The following IRAK3 variants were observed in gnomAD, a reference collection of about 807,000 sequenced individuals.
The protein encoded by IRAK3 is interleukin 1 receptor associated kinase 3, also known as interleukin-1 receptor-associated kinase 3.
In IRAK3, 57 loss-of-function variants were observed where a neutral mutation model predicts 56.6. The ratio of observed to expected loss-of-function variants is 1.01; its 90% confidence interval spans 0.81 to 1.26. IRAK3 has a LOEUF of 1.26. Among genes scored for constraint, IRAK3 ranks in the 50% most tolerant of loss-of-function variants. The pLI, the probability that IRAK3 is intolerant of heterozygous loss-of-function variation, is 0.00. For missense variants in IRAK3, 703 were observed against 719.0 expected (o/e 0.98, Z 0.25); for synonymous variants, 258 against 255.7 (o/e 1.01, Z -0.09).
At chr12:66,221,913 C>T (rs1156820187) in intron 6 of IRAK3, among the ~76,000 whole-genome samples, 1 of 152,132 alleles carries the variant, frequency 6.6e-6, no homozygotes, top group African/African-American at 2.4e-5. Flanking sequence ...CTTGCAATCC[C>T]AGCTATTCAG....
chr12:66,193,089 C>CCT, intron 1 of IRAK3, among the ~76,000 whole-genome samples: 1 of 152,098 alleles, frequency 6.6e-6, no homozygotes, highest in East Asian at 1.9e-4. Context: ...TTTACCGCAA[C>CCT]CTCCGCCTCC....
chr12:66,193,177 T>G (rs1332608425), intron 1 of IRAK3, among the ~76,000 whole-genome samples: 2 of 151,660 alleles, frequency 1.3e-5, no homozygotes, highest in East Asian at 3.9e-4. Context: ...CCGGCTTAAT[T>G]TTTTTTTGTA....
At chr12:66,189,492 T>C in intron 1 of IRAK3, 60 bp downstream of exon 1, 1 of 1,082,744 alleles carries the variant, frequency 9.2e-7, no homozygotes, top group Non-Finnish European at 1.1e-6. Context: ...CGGGGCCCGC[T>C]CGGCGTCGCC....
At chr12:66,205,532 T>C (rs922703266) in intron 2 of IRAK3, among the ~76,000 whole-genome samples, 1 of 152,232 alleles carries the variant, frequency 6.6e-6, no homozygotes, top group Non-Finnish European at 1.5e-5. Context: ...TGAGATGTGA[T>C]GATTTGTTGG....
Position 66,203,429 on chromosome 12 carries a change from G to T in IRAK3, c.134-282G>T, listed in dbSNP as rs148108768. Among the ~76,000 whole-genome samples, 417 of 152,288 alleles carry T rather than the reference G, an allele frequency of 2.7e-3. 1 individual carries two copies. Among genetic ancestry groups the T allele is most frequent in the Non-Finnish European group, 4.1e-3 (280 of 68,024 alleles). ...CAATTAAATATAATATGGAAAACTGGATAGGATCTTAGAACAGAAAAGAGG... is the reference window on the plus strand; with the variant it reads ...CAATTAAATATAATATGGAAAACTGTATAGGATCTTAGAACAGAAAAGAGG... On this transcript the variant is annotated intron_variant, in intron 1 of 11. Coordinates refer to ENST00000261233, the MANE Select transcript of IRAK3 (RefSeq NM_007199.3).
rs1332418944 is a variant in IRAK3 at position 66,249,428 on chromosome 12, T to TG, written c.*1258dup. On this transcript the variant is annotated 3_prime_UTR_variant, in exon 12 of 12. Coordinates refer to ENST00000261233, the MANE Select transcript of IRAK3 (RefSeq NM_007199.3). Reference sequence around the variant, plus strand: ...GATCCGCCTGCCTGGCCTCCCAAAGTGCTGGGATTACAGGCGTGAGCCACC... The same window carrying TG: ...GATCCGCCTGCCTGGCCTCCCAAAGTGGCTGGGATTACAGGCGTGAGCCACC... 2.0e-5 allele frequency: 3 copies of TG among 152,358 alleles called. No homozygotes were observed. The highest frequency in any genetic ancestry group is 7.2e-5 in the African/African-American group (3 of 41,472). The allele number at this position is 152,358 out of a possible 1,614,324, so 9.4% of individuals were successfully genotyped here.
At chr12:66,211,189 C>T (rs2052607821) in intron 4 of IRAK3, among the ~76,000 whole-genome samples, 1 of 152,170 alleles carries the variant, frequency 6.6e-6, no homozygotes, top group Non-Finnish European at 1.5e-5. Flanking sequence ...TTCCACTAAG[C>T]TCTTTGGCTG....
intron 1 of IRAK3, among the ~76,000 whole-genome samples, chr12:66,192,914 T>C (rs1421924904): frequency 6.6e-6 from 1 of 152,186 alleles, no homozygotes. Context: ...AATGGCACAC[T>C]AAGATTCTAA....
intron 8 of IRAK3, chr12:66,234,351 G>A: frequency 6.2e-7 from 1 of 1,612,586 alleles, no homozygotes; most frequent in Non-Finnish European, 8.5e-7. Context: ...CCGGGGTGCT[G>A]TAGAATATAT....
At chr12:66,237,029 G>A (rs2052915245) in intron 8 of IRAK3, among the ~76,000 whole-genome samples, 1 of 152,004 alleles carries the variant, frequency 6.6e-6, no homozygotes, top group Non-Finnish European at 1.5e-5. Context: ...TCTCATCACT[G>A]GTTAAGAGTG....
intron 8 of IRAK3, among the ~76,000 whole-genome samples, chr12:66,232,988 A>ATATTATTATTATTATTAT (rs147774283): frequency 1.9e-4 from 29 of 149,560 alleles, no homozygotes; most frequent in African/African-American, 6.9e-4. Context: ...TAACCCTTTG[A>ATATTATTATTATTATTAT]TATTATTATT....
intron 8 of IRAK3, chr12:66,234,305 G>T (rs893009635): frequency 4.3e-6 from 7 of 1,612,772 alleles, no homozygotes; most frequent in Non-Finnish European, 5.9e-6. Context: ...GGGCTGTAGT[G>T]ACATGGTGTG....
intron 1 of IRAK3, among the ~76,000 whole-genome samples, chr12:66,203,354 A>G (rs2052527124): frequency 6.6e-6 from 1 of 152,212 alleles, no homozygotes. Context: ...CTGAAAGACA[A>G]GGAAAGACTG....
At chr12:66,235,644 T>A (rs2052900430) in intron 8 of IRAK3, among the ~76,000 whole-genome samples, 1 of 152,136 alleles carries the variant, frequency 6.6e-6, no homozygotes, top group Non-Finnish European at 1.5e-5. Flanking sequence ...AGTTATGTTT[T>A]TAAATAGTAT....
intron 11 of IRAK3, among the ~76,000 whole-genome samples, chr12:66,246,363 A>C (rs1306301661): frequency 1.3e-5 from 2 of 152,218 alleles, no homozygotes; most frequent in Non-Finnish European, 1.5e-5. Flanking sequence ...AGAAGCTTCC[A>C]TGACAGAGGG....
At chr12:66,207,366 G>T (rs2052567391) in intron 2 of IRAK3, among the ~76,000 whole-genome samples, 1 of 151,986 alleles carries the variant, frequency 6.6e-6, no homozygotes, top group Admixed American at 6.6e-5. Context: ...CAGCTATTCA[G>T]GAGGCTGAAG....
chr12:66,198,359 C>G (rs1171499356), intron 1 of IRAK3: 1 of 152,468 alleles, frequency 6.6e-6, no homozygotes, highest in East Asian at 1.9e-4. Flanking sequence ...ACACTCTGCT[C>G]CAAGCATTCT....
At chr12:66,203,636 CATT>C (rs888600446) in intron 1 of IRAK3, 72 bp from the exon 2 acceptor site, 31 of 1,275,042 alleles carry the variant, frequency 2.4e-5, no homozygotes, top group African/African-American at 7.4e-5. Flanking sequence ...GGAAATAAAA[CATT>C]AGGTACACAA....
rs142028410 is a variant in IRAK3 at position 66,237,983 on chromosome 12, C to T, written c.888-6503C>T. ...CTCAACATTATGCTTAAGTAAACAACATCAGGTGGGCTCCCTGTGGGTGTC... is the reference window on the plus strand; with the variant it reads ...CTCAACATTATGCTTAAGTAAACAATATCAGGTGGGCTCCCTGTGGGTGTC... On this transcript the variant is annotated intron_variant, in intron 8 of 11. Coordinates refer to ENST00000261233, the MANE Select transcript of IRAK3 (RefSeq NM_007199.3). Among the ~76,000 whole-genome samples, 312 of 152,274 alleles carry T rather than the reference C, an allele frequency of 2.0e-3. 3 individuals are homozygous for T. The highest frequency in any genetic ancestry group is 7.1e-3 in the African/African-American group (297 of 41,554).
Sources: allele counts gnomAD v4.1 joint callset (sites outside exome capture counted in the v4.1 genomes callset), GRCh38; gene constraint gnomAD v4.1.1; transcripts MANE v1.5; gene names NCBI Gene and HGNC (gene_info 2026-07-23, HGNC 2026-07-21).